LTBP1: variants seen among roughly 807,000 people sequenced by gnomAD.
The protein encoded by LTBP1 is latent transforming growth factor beta binding protein 1.
In LTBP1, 129 loss-of-function variants were observed where a neutral mutation model predicts 207.6. The observed-to-expected ratio is 0.62, with a 90% confidence interval of 0.54 to 0.72. The LOEUF is 0.72. LTBP1 is among the 30% of genes least tolerant of loss of function. LTBP1 has a pLI of 0.00. For missense variants in LTBP1, 2,281 were observed against 2,217.2 expected (o/e 1.03, Z -0.58); for synonymous variants, 963 against 833.7 (o/e 1.16, Z -2.67).
At chr2:33,295,174 T>C (rs1360158685) in intron 20 of LTBP1, among the ~76,000 whole-genome samples, 8 of 152,174 alleles carry the variant, frequency 5.3e-5, no homozygotes. Context: ...TTTCCATTAA[T>C]ATCATTTCTC....
At position 33,217,523 on chromosome 2, in the gene LTBP1, C is replaced by A. The variant is rs555680747; in HGVS notation, c.1702-29C>A. On this transcript the variant is annotated intron_variant, in intron 7 of 33. Coordinates refer to ENST00000404816, the MANE Select transcript of LTBP1 (RefSeq NM_206943.4). ...GGCTGGGCATCCTGCACTCAATTAA[C>A]CTTCATATTTCACACCTAATCATTG... 6.5e-6 allele frequency: 10 copies of A among 1,536,860 alleles called. No individual in the cohort carries two copies. The East Asian group carries it at 2.0e-4, about 31-fold the overall frequency.
At chr2:33,292,975 G>A (rs189085360) in intron 19 of LTBP1, among the ~76,000 whole-genome samples, 185 bp from the exon 20 acceptor site, 1 of 152,222 alleles carries the variant, frequency 6.6e-6, no homozygotes, top group Admixed American at 6.5e-5. Context: ...TTAAAGTATA[G>A]AACCGTCATC....
chr2:33,006,017 T>A (rs1321310659), intron 2 of LTBP1, among the ~76,000 whole-genome samples: 1 of 152,098 alleles, frequency 6.6e-6, no homozygotes, highest in African/African-American at 2.4e-5. Context: ...TCATTCTCAC[T>A]CCACAGAAGC....
intron 2 of LTBP1, among the ~76,000 whole-genome samples, chr2:33,016,754 G>A (rs1400799780): frequency 6.6e-6 from 1 of 152,240 alleles, no homozygotes; most frequent in Non-Finnish European, 1.5e-5. Flanking sequence ...TGGGGGCAGT[G>A]GCTCATGCCT....
chr2:33,144,547 T>G (rs1464186893), intron 5 of LTBP1, among the ~76,000 whole-genome samples: 1 of 152,200 alleles, frequency 6.6e-6, no homozygotes, highest in East Asian at 1.9e-4. Flanking sequence ...TCATCTTGAG[T>G]AGATGGGGGC....
At chr2:33,223,074 A>T (rs577027145) in intron 9 of LTBP1, among the ~76,000 whole-genome samples, 1 of 152,154 alleles carries the variant, frequency 6.6e-6, no homozygotes, top group African/African-American at 2.4e-5. Flanking sequence ...CTTCACCACC[A>T]TATGTATTTA....
At position 33,293,175 on chromosome 2, in the gene LTBP1, T is replaced by G; in HGVS notation, c.3128T>G (p.Leu1043Arg). 6.2e-7 allele frequency: 1 copy of G among 1,613,668 alleles called. No homozygotes were observed. Among genetic ancestry groups the G allele is most frequent in the East Asian group, 2.2e-5 (1 of 44,864 alleles). The change falls in exon 20 of 34, where the codon CTG (leucine) becomes CGG (arginine). Residue 1043 changes from leucine (L) to arginine (R), a missense_variant. This residue lies in a region of LTBP1 where 1,671 missense variants were observed against 1,634.8 expected (regional missense o/e 1.02). Transcript: ENST00000404816. ...NGQCLDVDEC[L>R]EPNVCANGDC... ...ATTCTTCAAGATGTGGACGAGTGCC[T>G]GGAACCAAACGTCTGCGCAAATGGT...
chr2:33,362,978 C>T (rs1405827400), intron 28 of LTBP1, among the ~76,000 whole-genome samples: 3 of 152,134 alleles, frequency 2.0e-5, no homozygotes, highest in African/African-American at 7.2e-5. Flanking sequence ...CATTCAAGTT[C>T]CACCAAACTT....
chr2:32,975,251 A>G (rs750110319), intron 2 of LTBP1, among the ~76,000 whole-genome samples: 33 of 152,158 alleles, frequency 2.2e-4, no homozygotes, highest in Non-Finnish European at 4.7e-4. Context: ...GTATGCTGTT[A>G]GTCTGGTGGA....
intron 20 of LTBP1, among the ~76,000 whole-genome samples, chr2:33,295,860 G>A (rs1380609831): frequency 2.0e-5 from 3 of 152,102 alleles, no homozygotes; most frequent in Admixed American, 1.3e-4. Context: ...TGTAAGAATC[G>A]AGGCCTCTTC....
At chr2:33,252,318 A>C (rs2092708041) in intron 10 of LTBP1, among the ~76,000 whole-genome samples, 1 of 152,214 alleles carries the variant, frequency 6.6e-6, no homozygotes, top group Non-Finnish European at 1.5e-5. Flanking sequence ...TACTGTGGTT[A>C]AATATAGAAA....
At chr2:33,370,714 A>G (rs997177960) in intron 31 of LTBP1, among the ~76,000 whole-genome samples, 3 of 152,210 alleles carry the variant, frequency 2.0e-5, no homozygotes, top group East Asian at 1.9e-4. Flanking sequence ...CACGTTGTCT[A>G]TCTCTTCATC....
chr2:33,057,028 A>G (rs930515920), intron 3 of LTBP1, among the ~76,000 whole-genome samples: 2 of 152,096 alleles, frequency 1.3e-5, no homozygotes, highest in African/African-American at 2.4e-5. Context: ...CCACTAGATT[A>G]GCTAGATACA....
chr2:33,363,280 A>T lies in LTBP1; in HGVS notation c.4271-110A>T, dbSNP rs2094946811. On this transcript the variant is annotated intron_variant, in intron 28 of 33. Coordinates refer to ENST00000404816, the MANE Select transcript of LTBP1 (RefSeq NM_206943.4). ...TTGCTGTTTGTGTAGGATTCTTTGG[A>T]ATGTAAATATTATAATATCTAACTT... 18 of 1,056,856 alleles carry T rather than the reference A, an allele frequency of 1.7e-5. No individual in the cohort carries two copies. The South Asian group carries it at 3.0e-4, about 17-fold the overall frequency. The allele number at this position is 1,056,856 out of a possible 1,614,324, so 65.5% of individuals were successfully genotyped here.
chr2:33,260,628 G>A (rs906020937), intron 13 of LTBP1, among the ~76,000 whole-genome samples: 5 of 152,222 alleles, frequency 3.3e-5, no homozygotes, highest in East Asian at 1.9e-4. Context: ...GATAGCACTC[G>A]TCCAGAAAGA....
At chr2:33,121,985 C>T (rs1401697749) in intron 4 of LTBP1, among the ~76,000 whole-genome samples, 2 of 152,074 alleles carry the variant, frequency 1.3e-5, no homozygotes, top group Non-Finnish European at 2.9e-5. Flanking sequence ...CATGGTAAAT[C>T]GTATAATATA....
At chr2:33,308,835 A>G (rs554094811) in intron 22 of LTBP1, among the ~76,000 whole-genome samples, 5 of 152,348 alleles carry the variant, frequency 3.3e-5, no homozygotes, top group Admixed American at 3.3e-4. Context: ...AGAAGCTTGT[A>G]TAAATAGATC....
At chr2:33,335,320 A>G (rs1287274616) in intron 24 of LTBP1, among the ~76,000 whole-genome samples, 3 of 149,084 alleles carry the variant, frequency 2.0e-5, no homozygotes, top group Non-Finnish European at 4.4e-5. Context: ...ACTTGTGACC[A>G]TCAAGGTCCC....
chr2:33,291,169 G>A (rs991768165), intron 19 of LTBP1, among the ~76,000 whole-genome samples: 1 of 152,164 alleles, frequency 6.6e-6, no homozygotes, highest in Non-Finnish European at 1.5e-5. Context: ...GGCTACCCTA[G>A]ATATTTCAAG....
Sources: allele counts gnomAD v4.1 joint callset (sites outside exome capture counted in the v4.1 genomes callset), GRCh38; gene constraint gnomAD v4.1.1; regional missense constraint gnomAD v4.1.1; transcripts MANE v1.5; gene names NCBI Gene and HGNC (gene_info 2026-07-23, HGNC 2026-07-21).